CT55: variants seen among roughly 807,000 people sequenced by gnomAD.
The protein encoded by CT55 is cancer/testis antigen 55.
A neutral mutation model predicts 12.6 loss-of-function variants in CT55; 1 was observed. The observed-to-expected ratio is 0.08, with a 90% CI of 0.03 to 0.38. The LOEUF (loss-of-function observed/expected upper bound fraction) is 0.38, where lower values mean the gene tolerates loss of function less well. Ranked by LOEUF, CT55 falls within the 10% of genes least tolerant of loss-of-function variation. The pLI is 0.99. For missense variants in CT55, 109 were observed against 135.4 expected, an observed-to-expected ratio of 0.80 and a Z score of 0.97; for synonymous variants, 43 against 49.7, an observed-to-expected ratio of 0.87 and a Z score of 0.57.
chrX:135,171,804 C>T (rs781871042), upstream of CT55, among the ~76,000 whole-genome samples: 6 of 111,796 alleles, frequency 5.4e-5, no homozygotes, highest in East Asian at 5.6e-4. Context: ...ATGGCAAGTA[C>T]GTGTCTTGTG....
At chrX:135,167,328 C>T (rs1349602871) in intron 2 of CT55, among the ~76,000 whole-genome samples, 5 of 111,770 alleles carry the variant, frequency 4.5e-5, no homozygotes, top group Admixed American at 2.8e-4. Flanking sequence ...ACAAAAGGCC[C>T]GAGAACACAC....
chrX:135,165,127 A>G (rs1556405777), intron 2 of CT55, among the ~76,000 whole-genome samples: 1 of 112,250 alleles, frequency 8.9e-6, no homozygotes, highest in Admixed American at 9.4e-5. Flanking sequence ...TCCAAAACAC[A>G]TATTCTTTCC....
intron 2 of CT55, among the ~76,000 whole-genome samples, chrX:135,167,986 G>A (rs2083593231): frequency 9.0e-6 from 1 of 111,343 alleles, no homozygotes. Context: ...CTTTATGCAC[G>A]GTTGGTGGGA....
chrX:135,170,956 A>C, intron 1 of CT55, 122 bp downstream of exon 1: 1 of 1,087,925 alleles, frequency 9.2e-7, no homozygotes, highest in East Asian at 3.2e-5. Context: ...ATGCACGCAC[A>C]AGATGGAGCC....
At chrX:135,162,961 C>T (rs2083568729) in intron 2 of CT55, among the ~76,000 whole-genome samples, 1 of 111,646 alleles carries the variant, frequency 9.0e-6, no homozygotes, top group Admixed American at 9.5e-5. Context: ...TCCCAGCCAT[C>T]CTAGCACCTG....
chrX:135,160,568 G>A lies in CT55; in HGVS notation c.280-13C>T. On this transcript the variant is annotated splice_polypyrimidine_tract_variant and intron_variant, in intron 2 of 5. Transcript: ENST00000276241. ...GCACAACATCCACCTGTAAGATTTA[G>A]GAAAGAGTTTACTTCAAAAACAATA... 1.7e-6 allele frequency: 2 copies of A among 1,175,164 alleles called. No individual in the cohort carries two copies. The highest frequency in any genetic ancestry group is 2.3e-6 in the Non-Finnish European group (2 of 883,767).
intron 3 of CT55, among the ~76,000 whole-genome samples, chrX:135,159,504 T>C (rs1236017017): frequency 9.0e-6 from 1 of 111,221 alleles, no homozygotes; most frequent in Non-Finnish European, 1.9e-5. Flanking sequence ...TTAGACTCAT[T>C]TTCCCTCCAC....
In CT55 at chrX:135,158,264, C is replaced by T; in HGVS notation, c.472G>A (p.Glu158Lys). 8.3e-7 allele frequency: 1 copy of T among 1,209,210 alleles called. No homozygotes were observed. The highest frequency in any genetic ancestry group is 1.1e-6 in the Non-Finnish European group (1 of 893,288). The change falls in exon 4 of 6, where the codon GAG becomes AAG. Residue 158 changes from glutamate (E) to lysine (K), a missense_variant. Transcript: ENST00000276241. The part of the protein sequence containing the change: ...GDLLEVEYST[E>K]PGISNIKATS... ...GCCTTGATGTTTGAGATGCCTGGCT[C>T]AGTGGAATATTCAACTTCTAACAAG...
At chrX:135,165,500 C>T (rs1477642705) in intron 2 of CT55, among the ~76,000 whole-genome samples, 1 of 111,294 alleles carries the variant, frequency 9.0e-6, no homozygotes, top group Non-Finnish European at 1.9e-5. Flanking sequence ...AAATAAACAA[C>T]CTCACACTGC....
At chrX:135,162,475 T>C (rs1603273970) in intron 2 of CT55, among the ~76,000 whole-genome samples, 1 of 112,222 alleles carries the variant, frequency 8.9e-6, no homozygotes, top group African/African-American at 3.2e-5. Flanking sequence ...TATCCTTGTA[T>C]GAAAATATCG....
At chrX:135,165,963 G>C (rs1397858310) in intron 2 of CT55, among the ~76,000 whole-genome samples, 2 of 92,932 alleles carry the variant, frequency 2.2e-5, no homozygotes, top group African/African-American at 8.3e-5. Context: ...AAGACAGAAT[G>C]ACTTCCCTTC....
intron 3 of CT55, among the ~76,000 whole-genome samples, chrX:135,158,957 T>C (rs1277988871): frequency 8.9e-6 from 1 of 112,411 alleles, no homozygotes; most frequent in African/African-American, 3.2e-5. Flanking sequence ...GTTCAACTAA[T>C]GAACTCTTAA....
At chrX:135,167,507 C>T (rs1379090657) in intron 2 of CT55, among the ~76,000 whole-genome samples, 1 of 111,216 alleles carries the variant, frequency 9.0e-6, no homozygotes, top group Non-Finnish European at 1.9e-5. Flanking sequence ...TAGAAGGAGA[C>T]ATAGGGGGAA....
intron 1 of CT55, among the ~76,000 whole-genome samples, 159 bp downstream of exon 1, chrX:135,170,919 A>ACTCGGGTTGC (rs1392427354): frequency 5.4e-5 from 6 of 111,000 alleles, no homozygotes; most frequent in East Asian, 2.8e-4. Context: ...ATTGTTGAGG[A>ACTCGGGTTGC]CTCGGGTTGC....
At chrX:135,162,868 T>A (rs1402182760) in intron 2 of CT55, among the ~76,000 whole-genome samples, 5 of 111,589 alleles carry the variant, frequency 4.5e-5, no homozygotes, top group Non-Finnish European at 9.4e-5. Flanking sequence ...ATGCTCAGAA[T>A]AATCTACAGC....
chrX:135,159,435 C>T (rs1394386229), intron 3 of CT55, among the ~76,000 whole-genome samples: 1 of 111,407 alleles, frequency 9.0e-6, no homozygotes, highest in Non-Finnish European at 1.9e-5. Context: ...CAGTCGTCTA[C>T]ATCACAAACT....
intron 2 of CT55, among the ~76,000 whole-genome samples, chrX:135,164,005 T>C (rs1556405571): frequency 9.0e-6 from 1 of 111,542 alleles, no homozygotes; most frequent in Admixed American, 9.5e-5. Context: ...AGCTGAGAAA[T>C]TTCCTCACCA....
chrX:135,171,123 C>T lies in CT55; in HGVS notation c.49G>A (p.Asp17Asn), dbSNP rs782523634. Residue 17 changes from aspartate to asparagine, a missense_variant, in exon 1 of 6, where the codon GAC becomes AAC. By Grantham distance (23) the Asp-to-Asn change is conservative. Coordinates refer to ENST00000276241, the MANE Select transcript of CT55 (RefSeq NM_001031705.3). ...TGTGGGCCCTGTCGCTCTGCAGGGT[C>T]GGCCGTCCTCCCGTAGAAGGCCAAA... ...LALAFYGRTA[D>N]PAERQGPQQQ... 16 of 1,211,449 alleles carry T rather than the reference C, an allele frequency of 1.3e-5. No homozygotes were observed. Among genetic ancestry groups the T allele is most frequent in the Middle Eastern group, 2.3e-4 (1 of 4,351 alleles).
In CT55 at chrX:135,158,113, T is replaced by C. The variant is rs148599587; in HGVS notation, c.537+86A>G. 8.1e-3 allele frequency: 4,381 copies of C among 541,551 alleles called. 74 individuals are homozygous for C. Among genetic ancestry groups the C allele is most frequent in the African/African-American group, 0.056 (2,405 of 43,194 alleles). 44.6% of individuals were successfully genotyped at this position (541,551 alleles called of 1,213,427 possible). ...TTCATATTTTCTGGAATTCCCATTATACCCAACAGAATCCTGGTCACGTAA... is the reference window on the plus strand; with the variant it reads ...TTCATATTTTCTGGAATTCCCATTACACCCAACAGAATCCTGGTCACGTAA... On this transcript the variant is annotated intron_variant, in intron 4 of 5. Coordinates refer to ENST00000276241, the MANE Select transcript of CT55 (RefSeq NM_001031705.3).
Sources: gnomAD v4.1 joint callset for allele counts (sites outside exome capture counted in the v4.1 genomes callset) on GRCh38, gnomAD v4.1.1 for gene constraint, MANE v1.5 for transcripts, NCBI Gene and HGNC (gene_info 2026-07-23, HGNC 2026-07-21) for gene names.